SVEP1: variants seen among roughly 807,000 people sequenced by gnomAD.
SVEP1 encodes sushi, von Willebrand factor type A, EGF and pentraxin domain containing 1, also known as sushi, von Willebrand factor type A, EGF and pentraxin domain-containing protein 1.
In SVEP1, 164 loss-of-function variants were observed where a neutral mutation model predicts 367.3. That is an observed-to-expected ratio of 0.45 (90% CI 0.39 to 0.51). The LOEUF (loss-of-function observed/expected upper bound fraction) is 0.51. SVEP1 is among the 20% of genes least tolerant of loss of function. The probability of loss-of-function intolerance (pLI) is 0.00; values close to 1 mark genes in which losing one functional copy is unlikely to be tolerated. For synonymous variants in SVEP1, 1,666 were observed against 1,611.6 expected, an observed-to-expected ratio of 1.03 and a Z score of -0.81; for missense variants, 4,117 against 4,425.3, an observed-to-expected ratio of 0.93 and a Z score of 1.98.
intron 37 of SVEP1, among the ~76,000 whole-genome samples, chr9:110,410,334 A>C (rs1297456253): frequency 6.6e-6 from 1 of 152,204 alleles, no homozygotes; most frequent in African/African-American, 2.4e-5. Flanking sequence ...AAAGCAGGAC[A>C]TATTTGGGTT....
At chr9:110,478,956 G>C (rs1197207783) in intron 13 of SVEP1, among the ~76,000 whole-genome samples, 1 of 150,224 alleles carries the variant, frequency 6.7e-6, no homozygotes. Flanking sequence ...GTCTTTCTCT[G>C]TTGCCCAGGC....
chr9:110,407,792 C>T lies in SVEP1; in HGVS notation c.7808G>A (p.Ser2603Asn). The T allele has an allele frequency of 6.2e-7, 1 of 1,613,998 alleles. No individual in the cohort carries two copies. The highest frequency in any genetic ancestry group is 8.5e-7 in the Non-Finnish European group (1 of 1,179,890). ...TATTGGCATACATGTTGGGATGGAA[C>T]TTGACCATCCTGACTCTTCACAGGT... ...MQTCEESGWS[S>N]SIPTCMPIDC... is the part of the protein sequence containing the mutation. Residue 2603 changes from serine to asparagine, a missense_variant, in exon 38 of 48, where the codon AGT becomes AAT. By Grantham distance (46) the Ser-to-Asn change is conservative. Transcript: ENST00000374469.
At chr9:110,496,223 C>T (rs1438797123) in intron 8 of SVEP1, among the ~76,000 whole-genome samples, 1 of 152,118 alleles carries the variant, frequency 6.6e-6, no homozygotes, top group African/African-American at 2.4e-5. Flanking sequence ...TTGAAGGATA[C>T]GAAGTATTGT....
chr9:110,438,273 A>G (rs917783137), intron 27 of SVEP1, among the ~76,000 whole-genome samples: 1 of 138,952 alleles, frequency 7.2e-6, no homozygotes, highest in African/African-American at 2.7e-5. Flanking sequence ...TGCAACCTCT[A>G]CCTCCCAGAT....
chr9:110,475,319 A>C (rs1484893520), intron 14 of SVEP1, among the ~76,000 whole-genome samples: 1 of 152,092 alleles, frequency 6.6e-6, no homozygotes, highest in Non-Finnish European at 1.5e-5. Context: ...ACATGACTTG[A>C]ACTTATTCAT....
chr9:110,390,374 C>A (rs1827636385), intron 40 of SVEP1, among the ~76,000 whole-genome samples: 2 of 44,938 alleles, frequency 4.5e-5, no homozygotes, highest in African/African-American at 1.8e-4. Context: ...CTTATATCTA[C>A]TTATATATAT....
chr9:110,416,109 T>G (rs887314694), intron 36 of SVEP1, among the ~76,000 whole-genome samples: 3 of 152,002 alleles, frequency 2.0e-5, no homozygotes, highest in African/African-American at 7.3e-5. Flanking sequence ...AAGCCCTGTT[T>G]ACTATAAGGG....
At position 110,489,653 on chromosome 9, in the gene SVEP1, T is replaced by A. The variant is rs1829336319; in HGVS notation, c.1927A>T (p.Ile643Phe). The A allele has an allele frequency of 2.5e-6, 4 of 1,611,982 alleles. No homozygotes were observed. Among genetic ancestry groups the A allele is most frequent in the Non-Finnish European group, 3.4e-6 (4 of 1,178,868 alleles). ...QASCIFHIKV[I>F]DAEPPVIDWC... ...ACAACCAAACTATATCACTTACCAA[T>A]AACCTTGATATGGAAAATGCAGCTG... is the stretch of plus-strand genomic sequence containing the variant. The change falls in exon 9 of 48, where the codon ATT (isoleucine) becomes TTT (phenylalanine). Residue 643 changes from isoleucine (I) to phenylalanine (F), a missense_variant. Physicochemically the swap from Ile to Phe is conservative, Grantham distance 21 (BLOSUM62 0). Coordinates refer to ENST00000374469, the MANE Select transcript of SVEP1 (RefSeq NM_153366.4).
chr9:110,404,526 G>A lies in SVEP1; in HGVS notation c.9467C>T (p.Thr3156Ile). 1 of 1,613,944 alleles carries A rather than the reference G, an allele frequency of 6.2e-7. No homozygotes were observed. Among genetic ancestry groups the A allele is most frequent in the African/African-American group, 1.3e-5 (1 of 75,036 alleles). Residue 3156 changes from threonine (T) to isoleucine (I), a missense_variant, in exon 39 of 48, where the codon ACA becomes ATA. Thr to Ile is a moderately conservative substitution (Grantham distance 89). Around this residue, in one of 4 missense-constraint regions of SVEP1, gnomAD observed 1,765 missense variants for 1,781.1 expected, o/e 0.99. Coordinates refer to ENST00000374469, the MANE Select transcript of SVEP1 (RefSeq NM_153366.4). ...CTGACAGGTGAATGTATCTGTATCT[G>A]TATCCATCGTATAACCTTCCAGACA... ...LRCLEGYTMD[T>I]DTDTFTCQKD...
rs775333590 is a variant in SVEP1, at chr9:110,379,526, T to A, written c.10238-9A>T. ...TGGACCACATGAGATTTCTACAGGA[T>A]AACAAAACAACAATTAAGCTTGTGC... On this transcript the variant is annotated splice_polypyrimidine_tract_variant and intron_variant, in intron 43 of 47. Coordinates refer to ENST00000374469, the MANE Select transcript of SVEP1 (RefSeq NM_153366.4). 1.2e-6 allele frequency: 2 copies of A among 1,613,336 alleles called. No homozygotes were observed. Among genetic ancestry groups the A allele is most frequent in the Non-Finnish European group, 1.7e-6 (2 of 1,179,576 alleles).
chr9:110,549,124 G>A (rs1230671882), intron 2 of SVEP1, among the ~76,000 whole-genome samples: 1 of 151,998 alleles, frequency 6.6e-6, no homozygotes, highest in Non-Finnish European at 1.5e-5. Flanking sequence ...TTTAATCTGA[G>A]GCTAGATTTC....
chr9:110,491,011 T>G (rs1829358222), intron 8 of SVEP1, among the ~76,000 whole-genome samples: 1 of 151,772 alleles, frequency 6.6e-6, no homozygotes, highest in African/African-American at 2.4e-5. Flanking sequence ...TTGATGGTAG[T>G]TTTTTTTATG....
chr9:110,464,499 A>T (rs1828906317), intron 18 of SVEP1, among the ~76,000 whole-genome samples: 1 of 152,204 alleles, frequency 6.6e-6, no homozygotes, highest in Non-Finnish European at 1.5e-5. Context: ...CAATGCTGGA[A>T]ACGCCCCTTC....
At position 110,503,090 on chromosome 9, in the gene SVEP1, C is replaced by T. The variant is rs1829562850; in HGVS notation, c.1431G>A (p.Lys477=). Residue 477 remains lysine, a synonymous_variant, in exon 6 of 48, where the codon AAG becomes AAA. Coordinates refer to ENST00000374469, the MANE Select transcript of SVEP1 (RefSeq NM_153366.4). ...ACTGGCTGTTTCCTTGACAAGTAAG[C>T]TTATCACTGCCTTCTAGTCTGTACC... ...DEGYRLEGSD[K]LTCQGNSQWD... The T allele has an allele frequency of 6.2e-7, 1 of 1,610,338 alleles. No individual in the cohort carries two copies. Among genetic ancestry groups the T allele is most frequent in the Non-Finnish European group, 8.5e-7 (1 of 1,177,222 alleles).
At chr9:110,384,658 T>C (rs1224824116) in intron 43 of SVEP1, among the ~76,000 whole-genome samples, 2 of 151,498 alleles carry the variant, frequency 1.3e-5, no homozygotes, top group African/African-American at 4.8e-5. Flanking sequence ...TTGAGACTCT[T>C]AACAAATGAC....
rs560401107 is a variant in SVEP1, at chr9:110,434,590, T to C, written c.4889-84A>G. ...GTCAATGATTTCAAACTGTATTCTGTATCAGCATTTGAGAGCCACCTTACT... is the reference window on the plus strand; with the variant it reads ...GTCAATGATTTCAAACTGTATTCTGCATCAGCATTTGAGAGCCACCTTACT... On this transcript the variant is annotated intron_variant, in intron 29 of 47. Coordinates refer to ENST00000374469, the MANE Select transcript of SVEP1 (RefSeq NM_153366.4). 1.5e-4 allele frequency: 200 copies of C among 1,343,814 alleles called. 1 individual carries two copies. Among genetic ancestry groups the C allele is most frequent in the South Asian group, 1.3e-3 (81 of 63,248 alleles). The allele number at this position is 1,343,814 out of a possible 1,614,324, so 83.2% of individuals were successfully genotyped here.
At chr9:110,380,751 T>C (rs759713956) in intron 43 of SVEP1, among the ~76,000 whole-genome samples, 3 of 152,208 alleles carry the variant, frequency 2.0e-5, no homozygotes, top group Non-Finnish European at 4.4e-5. Context: ...TTTGGAATAG[T>C]TTCTGAAGGA....
intron 41 of SVEP1, 61 bp from the exon 42 acceptor site, chr9:110,387,519 C>A: frequency 1.4e-6 from 2 of 1,447,614 alleles, no homozygotes; most frequent in Non-Finnish European, 9.2e-7. Flanking sequence ...TCCTTCTTTT[C>A]CTATGATTGC....
At chr9:110,554,722 A>ATG (rs762452858) in intron 1 of SVEP1, among the ~76,000 whole-genome samples, 13,101 of 121,520 alleles carry the variant, frequency 0.11, 689 homozygotes, top group East Asian at 0.3. Context: ...GTATGTATAG[A>ATG]TGTGCGTGTG....
Sources: gnomAD v4.1 joint callset for allele counts (sites outside exome capture counted in the v4.1 genomes callset) on GRCh38, gnomAD v4.1.1 for gene constraint, gnomAD v4.1.1 regional missense constraint, MANE v1.5 for transcripts, NCBI Gene and HGNC (gene_info 2026-07-23, HGNC 2026-07-21) for gene names.